The following ESYT3 variants were observed in gnomAD, a reference collection of about 807,000 sequenced individuals.
ESYT3 encodes the protein extended synaptotagmin 3, also known as extended synaptotagmin-3.
Under a neutral mutation model 111.5 loss-of-function variants are expected in ESYT3, and 101 were observed. The ratio of observed to expected loss-of-function variants is 0.91; its 90% CI spans 0.77 to 1.07. ESYT3 has a LOEUF of 1.07. Among genes scored for constraint, ESYT3 ranks in the 50% least tolerant of loss-of-function variants. ESYT3 has a pLI of 0.00. For synonymous variants in ESYT3, 416 were observed against 446.8 expected (o/e 0.93, Z 0.87); for missense variants, 1,097 against 1,109.4 (o/e 0.99, Z 0.16).
intron 3 of ESYT3, among the ~76,000 whole-genome samples, chr3:138,456,386 T>G (rs896723275): frequency 7.2e-5 from 11 of 151,806 alleles, no homozygotes; most frequent in Non-Finnish European, 1.6e-4. Context: ...GCTGTGGGAG[T>G]CAGGGAAGAC....
intron 2 of ESYT3, 73 bp downstream of exon 2, chr3:138,452,162 C>T (rs1251787153): frequency 8.9e-6 from 13 of 1,456,490 alleles, no homozygotes; most frequent in Middle Eastern, 1.7e-4. Context: ...GTCACCCCCA[C>T]AGCCTGATGG....
intron 1 of ESYT3, among the ~76,000 whole-genome samples, chr3:138,450,652 C>T (rs1275163381): frequency 2.0e-5 from 3 of 152,328 alleles, no homozygotes; most frequent in African/African-American, 7.2e-5. Context: ...CCAATCAAGG[C>T]TGTTAAAAAC....
At chr3:138,473,331 G>GT in intron 18 of ESYT3, 1 of 627,270 alleles carries the variant, frequency 1.6e-6, no homozygotes, top group Admixed American at 3.3e-5. Context: ...CCACTTCAGG[G>GT]TTCCCGTTCT....
In ESYT3 at chr3:138,440,160, GCCTGTCCC is replaced by G. The variant is rs1288700450; in HGVS notation, c.327+5037_327+5044del. On this transcript the variant is annotated intron_variant, in intron 1 of 22. Transcript: ENST00000389567. The surrounding 1 kb of genome is among the most constrained non-coding windows in gnomAD (Gnocchi z 4.2). ...CAGGACCCCACTCGCTGCCTTTCAT[GCCTGTCCC>G]CATCTAACTGGGTGCGCACTGGGGC... is the stretch of plus-strand genomic sequence containing the variant. 1.3e-5 allele frequency among the ~76,000 whole-genome samples: 2 copies of G among 152,206 alleles called. No homozygotes were observed. Among genetic ancestry groups the G allele is most frequent in the Non-Finnish European group, 2.9e-5 (2 of 68,022 alleles).
At chr3:138,455,681 A>G (rs17282731) in intron 3 of ESYT3, among the ~76,000 whole-genome samples, 11,618 of 152,326 alleles carry the variant, frequency 0.076, 631 homozygotes, top group Non-Finnish European at 0.12. Context: ...TGCTAACCTC[A>G]GAGCCGGTGA....
At chr3:138,459,389 A>G (rs2032489908) in intron 5 of ESYT3, 136 bp downstream of exon 5, 1 of 626,298 alleles carries the variant, frequency 1.6e-6, no homozygotes, top group Admixed American at 3.2e-5. Context: ...ACTACGGAGG[A>G]GCTGTAGGCC....
At chr3:138,455,380 T>A in intron 3 of ESYT3, 52 bp downstream of exon 3, 1 of 1,600,784 alleles carries the variant, frequency 6.2e-7, no homozygotes, top group South Asian at 1.1e-5. Flanking sequence ...GTCTTCTCTC[T>A]GTTCCCTCTC....
chr3:138,471,134 GA>G (rs1663764702), intron 17 of ESYT3, 108 bp downstream of exon 17: 1 of 866,636 alleles, frequency 1.2e-6, no homozygotes, highest in South Asian at 1.5e-5. Flanking sequence ...AAGAAGCCAG[GA>G]GATGGATTCA....
intron 10 of ESYT3, 152 bp from the exon 11 acceptor site, chr3:138,467,409 G>A (rs765607658): frequency 4.0e-5 from 31 of 770,270 alleles, no homozygotes; most frequent in Non-Finnish European, 6.9e-5. Context: ...CACTCGAGCT[G>A]ATGGTGGTCT....
intron 12 of ESYT3, 65 bp downstream of exon 12, chr3:138,468,259 C>A: frequency 2.0e-6 from 3 of 1,475,282 alleles, no homozygotes; most frequent in Non-Finnish European, 2.8e-6. Flanking sequence ...CAGGTGTGTG[C>A]AGGTGGAGGA....
Position 138,457,695 on chromosome 3 carries a change from G to A in ESYT3, c.581+51G>A, listed in dbSNP as rs773796922. On this transcript the variant is annotated intron_variant, in intron 4 of 22. Coordinates refer to ENST00000389567, the MANE Select transcript of ESYT3 (RefSeq NM_031913.5). ...GCTTCGGGGTGCAGGGGACACAGTG[G>A]GAACAGCCAGTTTGAAGATGGAGTA... 7.8e-6 allele frequency: 12 copies of A among 1,547,126 alleles called. No individual in the cohort carries two copies. In the South Asian group the frequency reaches 8.9e-5, roughly 11 times the overall value.
intron 8 of ESYT3, chr3:138,462,423 A>C: frequency 1.7e-6 from 1 of 600,186 alleles, no homozygotes; most frequent in Admixed American, 2.9e-5. Flanking sequence ...CTGCATTCTA[A>C]ACTTACTTGG....
At position 138,470,326 on chromosome 3, in the gene ESYT3, T is replaced by TC. The variant is rs2033155426; in HGVS notation, c.1590+181dup. ...ATCTCCTTAAGGCTAGTGCCTGAGG[T>TC]CACTGTATAGGGGGATGTGGGAGGA... On this transcript the variant is annotated intron_variant, in intron 16 of 22. Transcript: ENST00000389567. 3 of 1,340,624 alleles carry TC rather than the reference T, an allele frequency of 2.2e-6. No individual in the cohort carries two copies. In the African/African-American group the frequency reaches 4.4e-5, roughly 20 times the overall value. The allele number at this position is 1,340,624 out of a possible 1,614,324, so 83.0% of individuals were successfully genotyped here. A position where few individuals can be genotyped will look rare whatever the true frequency, so the allele number is the denominator to read the frequency against.
Position 138,477,846 on chromosome 3 carries a change from A to C in ESYT3, c.*992A>C, listed in dbSNP as rs2033558140. The C allele has an allele frequency of 6.6e-6, 1 of 152,148 alleles. No homozygotes were observed. The highest frequency in any genetic ancestry group is 1.5e-5 in the Non-Finnish European group (1 of 68,024). 9.4% of individuals were successfully genotyped at this position (152,148 alleles called of 1,614,324 possible). ...CCTCCTCTTCTCTCTTACCAACACC[A>C]ACACTACCTGCCGTCAGTTTTCTGT... is the stretch of plus-strand genomic sequence containing the variant. On this transcript the variant is annotated 3_prime_UTR_variant, in exon 23 of 23. Coordinates refer to ENST00000389567, the MANE Select transcript of ESYT3 (RefSeq NM_031913.5).
rs762014244 is a variant in ESYT3 at position 138,470,133 on chromosome 3, G to A, written c.1577G>A (p.Arg526Gln). The change falls in exon 16 of 23, where the codon CGG (arginine) becomes CAG (glutamine). Residue 526 changes from arginine (R) to glutamine (Q), a missense_variant. Coordinates refer to ENST00000389567, the MANE Select transcript of ESYT3 (RefSeq NM_031913.5). ...SFFVHNVATE[R>Q]LHLKVLDDDQ... ...TTTGTGCACAATGTGGCCACTGAGC[G>A]GCTCCATCTGAAGGTTTGATGGAAG... The A allele has an allele frequency of 1.5e-5, 24 of 1,612,254 alleles. No individual in the cohort carries two copies. The highest frequency in any genetic ancestry group is 1.6e-4 in the Middle Eastern group (1 of 6,076).
At position 138,455,223 on chromosome 3, in the gene ESYT3, C is replaced by T. The variant is rs781080097; in HGVS notation, c.399C>T (p.Ser133=). 9 of 1,614,126 alleles carry T rather than the reference C, an allele frequency of 5.6e-6. No homozygotes were observed. The highest frequency in any genetic ancestry group is 7.6e-6 in the Non-Finnish European group (9 of 1,180,056). The change falls in exon 3 of 23, where the codon AGC becomes AGT. Residue 133 remains serine (S), a synonymous_variant. Transcript: ENST00000389567. ...TCTCTCAGACCTGGCCCTACCTAAG[C>T]ATGATCATGGAAAGCAAGTTCCGGG... The part of the protein sequence containing the change: ...KIISQTWPYL[S]MIMESKFREK...
In ESYT3 at chr3:138,460,666, A is replaced by G. The variant is rs558633804; in HGVS notation, c.794A>G (p.Asn265Ser). Residue 265 changes from asparagine (N) to serine (S), a missense_variant and splice_region_variant, in exon 7 of 23, where the codon AAT becomes AGT. Asn to Ser is a conservative substitution (Grantham distance 46, BLOSUM62 1). Coordinates refer to ENST00000389567, the MANE Select transcript of ESYT3 (RefSeq NM_031913.5). ...LTNLLDAPGI[N>S]DVSDSLLEDL... ...AACCTGCTGGATGCGCCGGGAATCA[A>G]GTAGGTGCCTGGGAGAGCCTCGAGG... 6.2e-5 allele frequency: 100 copies of G among 1,613,998 alleles called. No homozygotes were observed. In the South Asian group the frequency reaches 9.4e-4, roughly 15 times the overall value.
intron 1 of ESYT3, among the ~76,000 whole-genome samples, chr3:138,439,442 T>C (rs1672800737): frequency 6.6e-6 from 1 of 152,196 alleles, no homozygotes; most frequent in Non-Finnish European, 1.5e-5. Context: ...AGCTGCCTTC[T>C]GATCTTCAGA....
chr3:138,477,799 C>T lies in ESYT3; in HGVS notation c.*945C>T, dbSNP rs1329490114. The T allele has an allele frequency of 6.6e-6, 1 of 152,216 alleles. No individual in the cohort carries two copies. The highest frequency in any genetic ancestry group is 1.5e-5 in the Non-Finnish European group (1 of 68,048). 9.4% of individuals were successfully genotyped at this position (152,216 alleles called of 1,614,324 possible). A position where few individuals can be genotyped will look rare whatever the true frequency, so the allele number is the denominator to read the frequency against. On this transcript the variant is annotated 3_prime_UTR_variant, in exon 23 of 23. Transcript: ENST00000389567. ...ACTTTACAAGACCAAATATACTTCTCATCCCCTCCAACATTCCTGGACCTC... is the reference window on the plus strand; with the variant it reads ...ACTTTACAAGACCAAATATACTTCTTATCCCCTCCAACATTCCTGGACCTC...
Sources: gnomAD v4.1 joint callset for allele counts (sites outside exome capture counted in the v4.1 genomes callset) on GRCh38, gnomAD v4.1.1 for gene constraint, Gnocchi (gnomAD v3.1) non-coding constraint, MANE v1.5 for transcripts, NCBI Gene and HGNC (gene_info 2026-07-23, HGNC 2026-07-21) for gene names.